NPC1: variants seen among roughly 807,000 people sequenced by gnomAD.
NPC1 encodes the protein Niemann-Pick C1 protein.
In NPC1, 85 loss-of-function variants were observed where a neutral mutation model predicts 140.4. That is an observed-to-expected ratio of 0.61 (90% CI 0.51 to 0.72). The LOEUF (loss-of-function observed/expected upper bound fraction) is 0.72. Among genes scored for constraint, NPC1 ranks in the 30% least tolerant of loss-of-function variants. The pLI is 0.00. For synonymous variants in NPC1, 656 were observed against 624.8 expected (o/e 1.05, Z -0.74); for missense variants, 1,504 against 1,623.8 (o/e 0.93, Z 1.27).
At chr18:23,563,402 T>C (rs1197546327) in intron 4 of NPC1, among the ~76,000 whole-genome samples, 1 of 152,194 alleles carries the variant, frequency 6.6e-6, no homozygotes, top group African/African-American at 2.4e-5. Flanking sequence ...CATATGGTAG[T>C]TCTATGTTTG....
At chr18:23,537,654 G>C (rs1265324875) in intron 20 of NPC1, among the ~76,000 whole-genome samples, 3 of 152,150 alleles carry the variant, frequency 2.0e-5, no homozygotes, top group Non-Finnish European at 2.9e-5. Context: ...ATAATGTCAG[G>C]GAGTGCCTGG....
chr18:23,544,295 C>T (rs1208450085), intron 13 of NPC1, 49 bp downstream of exon 13: 1 of 1,574,450 alleles, frequency 6.4e-7, no homozygotes, highest in Admixed American at 1.7e-5. Context: ...CATTCACAGT[C>T]CCTGAAACTT....
At chr18:23,526,007 C>G (rs2058289152), downstream of NPC1, among the ~76,000 whole-genome samples, 1 of 152,194 alleles carries the variant, frequency 6.6e-6, no homozygotes, top group African/African-American at 2.4e-5. Flanking sequence ...GTGCATCTCG[C>G]TGGTGTTTTC....
chr18:23,523,948 C>G (rs546961951), intron 1 of NPC1, among the ~76,000 whole-genome samples: 2 of 152,300 alleles, frequency 1.3e-5, no homozygotes, highest in South Asian at 4.2e-4. Flanking sequence ...GGATTGTTAG[C>G]TCCTTCCCCC....
chr18:23,556,340 A>G lies in NPC1; in HGVS notation c.1229T>C (p.Ile410Thr), dbSNP rs916274291. The G allele has an allele frequency of 6.2e-7, 1 of 1,614,108 alleles. No homozygotes were observed. Among genetic ancestry groups the G allele is most frequent in the Non-Finnish European group, 8.5e-7 (1 of 1,179,982 alleles). The change falls in exon 8 of 25, where the codon ATC becomes ACC. Residue 410 changes from isoleucine (I) to threonine (T), a missense_variant. Transcript: ENST00000269228. Reference protein sequence around the residue: ...GPFFRTEQLIIRAPLTDKHIY... With the variant: ...GPFFRTEQLITRAPLTDKHIY... ...GTGTTTGTCAGTGAGAGGGGCCCGG[A>G]TGATGAGCTGCTCCGTCCGGAAGAA...
intron 3 of NPC1, among the ~76,000 whole-genome samples, chr18:23,510,731 A>G (rs1483375636): frequency 6.6e-6 from 1 of 152,268 alleles, no homozygotes; most frequent in Non-Finnish European, 1.5e-5. Flanking sequence ...AAAGAGCTCA[A>G]CATCACTGAT....
At chr18:23,556,908 C>G (rs1205920207) in intron 7 of NPC1, among the ~76,000 whole-genome samples, 1 of 152,242 alleles carries the variant, frequency 6.6e-6, no homozygotes, top group Non-Finnish European at 1.5e-5. Context: ...TCGCGCCTCC[C>G]CAGCTATGAT....
At chr18:23,570,060 A>G (rs1035309790) in intron 3 of NPC1, among the ~76,000 whole-genome samples, 3 of 152,220 alleles carry the variant, frequency 2.0e-5, no homozygotes, top group Non-Finnish European at 4.4e-5. Context: ...GTTCTAGTGA[A>G]GGAGACAGAG....
At position 23,512,106 on chromosome 18, in the gene NPC1, C is replaced by T. The variant is rs530432518; in HGVS notation, c.432-5464G>A. On this transcript the variant is annotated intron_variant, in intron 3 of 3. Coordinates refer to the NPC1 transcript ENST00000591107. ...TGCGATCTCGGCTCACGGCAACCTCCACCTCCTGGGTTCAAGCAATTCTCC... is the reference window on the plus strand; with the variant it reads ...TGCGATCTCGGCTCACGGCAACCTCTACCTCCTGGGTTCAAGCAATTCTCC... 2.0e-5 allele frequency among the ~76,000 whole-genome samples: 3 copies of T among 151,138 alleles called. No homozygotes were observed. The South Asian group carries it at 6.3e-4, about 32-fold the overall frequency.
At chr18:23,559,242 A>G (rs1238707390) in intron 6 of NPC1, among the ~76,000 whole-genome samples, 1 of 152,182 alleles carries the variant, frequency 6.6e-6, no homozygotes, top group African/African-American at 2.4e-5. Context: ...ATACCCAGTA[A>G]TGGGATGGCT....
At chr18:23,574,213 A>C (rs1241282101) in intron 1 of NPC1, among the ~76,000 whole-genome samples, 12 of 152,186 alleles carry the variant, frequency 7.9e-5, no homozygotes, top group Admixed American at 7.9e-4. Context: ...GAGAGTCACA[A>C]GGTTGTCAGA....
At chr18:23,539,598 T>C in intron 18 of NPC1, 128 bp from the exon 19 acceptor site, 3 of 799,170 alleles carry the variant, frequency 3.8e-6, no homozygotes, top group Non-Finnish European at 6.1e-6. Context: ...AAAAACTACA[T>C]GAGCACTTAA....
downstream of NPC1, chr18:23,520,277 G>A: frequency 1.2e-6 from 2 of 1,614,040 alleles, no homozygotes; most frequent in Non-Finnish European, 1.7e-6. Flanking sequence ...CGTGCTTCCC[G>A]CTCGATCGAT....
At position 23,544,442 on chromosome 18, in the gene NPC1, T is replaced by C. The variant is rs778974063; in HGVS notation, c.2032A>G (p.Ile678Val). The C allele has an allele frequency of 3.1e-6, 5 of 1,614,034 alleles. No homozygotes were observed. The highest frequency in any genetic ancestry group is 2.7e-5 in the African/African-American group (2 of 74,904). ...ACAATGAGGGTCAAGGGCAACCCAATGTAGCTGAAGACACCCAAGGAGCAA... is the reference window on the plus strand; with the variant it reads ...ACAATGAGGGTCAAGGGCAACCCAACGTAGCTGAAGACACCCAAGGAGCAA... ...VACSLGVFSYIGLPLTLIVIE... is the reference protein window; with the variant it reads ...VACSLGVFSYVGLPLTLIVIE... Residue 678 changes from isoleucine (I) to valine (V), a missense_variant, in exon 13 of 25, where the codon ATT becomes GTT. Physicochemically the swap from Ile to Val is conservative, Grantham distance 29. Transcript: ENST00000269228.
intron 1 of NPC1, among the ~76,000 whole-genome samples, chr18:23,585,006 C>T (rs1454969760): frequency 6.6e-6 from 1 of 152,154 alleles, no homozygotes; most frequent in Non-Finnish European, 1.5e-5. Flanking sequence ...ATGATGGCGA[C>T]ACTGCCCCCA....
downstream of NPC1, chr18:23,529,015 G>A (rs2058396498): frequency 1.4e-5 from 16 of 1,136,672 alleles, no homozygotes; most frequent in East Asian, 4.0e-4. Flanking sequence ...GAGTAGCTGG[G>A]ATTACAGGCA....
chr18:23,565,972 G>A (rs372387778), intron 4 of NPC1, among the ~76,000 whole-genome samples: 2 of 152,016 alleles, frequency 1.3e-5, no homozygotes, highest in African/African-American at 4.8e-5. Flanking sequence ...GTATCTTCCA[G>A]CTCACCATTT....
intron 10 of NPC1, among the ~76,000 whole-genome samples, chr18:23,551,106 G>C (rs2058865740): frequency 6.6e-6 from 1 of 152,142 alleles, no homozygotes; most frequent in Non-Finnish European, 1.5e-5. Context: ...AAGTACAATT[G>C]GTTCTAAAGT....
intron 12 of NPC1, 105 bp downstream of exon 12, chr18:23,544,855 G>A (rs2058761079): frequency 6.0e-6 from 5 of 833,176 alleles, no homozygotes; most frequent in African/African-American, 3.4e-5. Context: ...GGGAATTTAT[G>A]GCAGTTTTAA....
Sources: allele counts gnomAD v4.1 joint callset (sites outside exome capture counted in the v4.1 genomes callset), GRCh38; gene constraint gnomAD v4.1.1; transcripts MANE v1.5; gene names NCBI Gene and HGNC (gene_info 2026-07-23, HGNC 2026-07-21).